Variants in THOC5 observed in about 807,000 individuals in gnomAD.
THOC5 encodes the protein THO complex subunit 5.
Under a neutral mutation model 92.9 loss-of-function variants are expected in THOC5, and 43 were observed. The observed-to-expected ratio is 0.46, with a 90% CI of 0.36 to 0.60. The LOEUF (loss-of-function observed/expected upper bound fraction) is 0.60. Ranked by LOEUF, THOC5 falls within the 20% of genes least tolerant of loss-of-function variation. THOC5 has a pLI of 0.00. For missense variants in THOC5, 659 were observed against 849.4 expected, an observed-to-expected ratio of 0.78 and a Z score of 2.79; for synonymous variants, 296 against 320.1, an observed-to-expected ratio of 0.92 and a Z score of 0.80.
At chr22:29,518,865 G>A (rs1236111192) in intron 15 of THOC5, 141 bp downstream of exon 15, 2 of 682,022 alleles carry the variant, frequency 2.9e-6, no homozygotes, top group Non-Finnish European at 5.2e-6. Flanking sequence ...CAGTGGCTCT[G>A]CCAAGATGCC....
intron 1 of THOC5, among the ~76,000 whole-genome samples, chr22:29,553,134 C>A (rs1044750551): frequency 6.6e-6 from 1 of 152,184 alleles, no homozygotes; most frequent in Non-Finnish European, 1.5e-5. Context: ...CTAGGAAAAC[C>A]AGAGACCTTT....
At position 29,529,167 on chromosome 22, in the gene THOC5, G is replaced by A; in HGVS notation, c.920C>T (p.Ser307Phe). The A allele has an allele frequency of 1.2e-6, 2 of 1,614,202 alleles. No individual in the cohort carries two copies. The highest frequency in any genetic ancestry group is 1.7e-6 in the Non-Finnish European group (2 of 1,180,036). Residue 307 changes from serine to phenylalanine, a missense_variant, in exon 9 of 20, where the codon TCC (serine) becomes TTC (phenylalanine). Transcript: ENST00000490103. ...AATCCCAACCACCACATTACCTTGG[G>A]AGTCCTCTGGAGGTTTGAACAGAGC... ...AKALFKPPED[S>F]QDDESDSDAE... is the part of the protein sequence containing the mutation.
chr22:29,536,504 G>C, intron 7 of THOC5, 120 bp downstream of exon 7: 1 of 638,512 alleles, frequency 1.6e-6, no homozygotes. Context: ...TGCAGACAAG[G>C]CCATCCTTAT....
At chr22:29,530,729 C>T (rs2063636853) in intron 8 of THOC5, among the ~76,000 whole-genome samples, 1 of 152,110 alleles carries the variant, frequency 6.6e-6, no homozygotes, top group Non-Finnish European at 1.5e-5. Context: ...GGTATGACAC[C>T]TCATTGAGTG....
intron 5 of THOC5, among the ~76,000 whole-genome samples, chr22:29,541,778 G>A (rs576884622): frequency 1.4e-5 from 2 of 143,768 alleles, no homozygotes; most frequent in South Asian, 2.2e-4. Flanking sequence ...GGAGAATGGC[G>A]TGAACCCGGG....
intron 8 of THOC5, chr22:29,531,558 AGGCTGCCTG>A: frequency 1.7e-6 from 2 of 1,170,768 alleles, no homozygotes; most frequent in Non-Finnish European, 2.1e-6. Flanking sequence ...GAGCCCAGAC[AGGCTGCCTG>A]GGTTCTGCAC....
intron 17 of THOC5, among the ~76,000 whole-genome samples, chr22:29,515,337 C>T (rs766437580): frequency 8.5e-5 from 13 of 152,158 alleles, no homozygotes; most frequent in Non-Finnish European, 1.5e-4. Context: ...CCACTGCGCC[C>T]GGCTGTATAT....
chr22:29,545,568 C>T lies in THOC5; in HGVS notation c.97-965G>A, dbSNP rs190231841. On this transcript the variant is annotated intron_variant, in intron 2 of 19. Transcript: ENST00000490103. ...AGCCATTCCAAATGGGAGAAATTGGCCAAAACAAAGGCGTTACAGGGCCCA... is the reference window on the plus strand; with the variant it reads ...AGCCATTCCAAATGGGAGAAATTGGTCAAAACAAAGGCGTTACAGGGCCCA... Among the ~76,000 whole-genome samples the T allele has an allele frequency of 4.9e-3, 751 of 152,264 alleles. 1 individual carries two copies. The highest frequency in any genetic ancestry group is 9.3e-3 in the Non-Finnish European group (632 of 68,026).
chr22:29,552,609 C>T (rs1453222832), intron 1 of THOC5, among the ~76,000 whole-genome samples: 2 of 150,476 alleles, frequency 1.3e-5, no homozygotes, highest in Non-Finnish European at 3.0e-5. Flanking sequence ...GCCGCCCCGT[C>T]GGGTCGGGGG....
At chr22:29,531,458 G>A (rs948048698) in intron 8 of THOC5, 5 of 1,023,840 alleles carry the variant, frequency 4.9e-6, no homozygotes, top group Non-Finnish European at 5.8e-6. Flanking sequence ...AGCTGGCTGA[G>A]ACCTGTATTC....
At chr22:29,546,852 T>C (rs1297116756) in intron 2 of THOC5, among the ~76,000 whole-genome samples, 1 of 151,946 alleles carries the variant, frequency 6.6e-6, no homozygotes, top group Admixed American at 6.6e-5. Context: ...TCTTTTTTTT[T>C]TTTTTGAGAC....
intron 15 of THOC5, among the ~76,000 whole-genome samples, chr22:29,518,287 C>A (rs1029150294): frequency 6.6e-6 from 1 of 152,140 alleles, no homozygotes; most frequent in Non-Finnish European, 1.5e-5. Context: ...TCTGCCTTGG[C>A]CTCCCAAAGT....
chr22:29,525,708 G>T, intron 12 of THOC5, 130 bp downstream of exon 12: 1 of 619,692 alleles, frequency 1.6e-6, no homozygotes, highest in East Asian at 2.7e-5. Context: ...TGGTCCATCT[G>T]GATACAAGAC....
chr22:29,518,065 G>C (rs937162028), intron 15 of THOC5, among the ~76,000 whole-genome samples: 1 of 152,038 alleles, frequency 6.6e-6, no homozygotes, highest in Non-Finnish European at 1.5e-5. Flanking sequence ...ATGGAGTCTC[G>C]CTTTGTTGCC....
At chr22:29,514,705 T>A (rs866380695) in intron 17 of THOC5, among the ~76,000 whole-genome samples, 34 of 151,002 alleles carry the variant, frequency 2.3e-4, no homozygotes, top group African/African-American at 8.3e-4. Context: ...TGAAAAAATA[T>A]ATATATATAT....
chr22:29,525,990 A>C, intron 11 of THOC5, 44 bp from the exon 12 acceptor site: 4 of 1,362,462 alleles, frequency 2.9e-6, no homozygotes, highest in Non-Finnish European at 4.1e-6. Flanking sequence ...CAAAACACTC[A>C]GAGCAGAGTG....
chr22:29,545,157 G>C, intron 2 of THOC5: 1 of 395,970 alleles, frequency 2.5e-6, no homozygotes, highest in Non-Finnish European at 4.9e-6. Context: ...GGAAGCAAAA[G>C]CAGAAACCCC....
intron 2 of THOC5, 139 bp from the exon 3 acceptor site, chr22:29,544,742 CTTAAA>C: frequency 3.5e-6 from 3 of 856,634 alleles, no homozygotes; most frequent in East Asian, 2.9e-5. Context: ...AGATCTGGTC[CTTAAA>C]TTAAATGCTT....
intron 3 of THOC5, 36 bp from the exon 4 acceptor site, chr22:29,543,578 C>T: frequency 6.5e-7 from 1 of 1,542,118 alleles, no homozygotes. Flanking sequence ...CCACTGACGA[C>T]AGGGCTAGCT....
Sources: gnomAD v4.1 joint callset for allele counts (sites outside exome capture counted in the v4.1 genomes callset) on GRCh38, gnomAD v4.1.1 for gene constraint, MANE v1.5 for transcripts, NCBI Gene and HGNC (gene_info 2026-07-23, HGNC 2026-07-21) for gene names.